ERBB4: variants seen among roughly 807,000 people sequenced by gnomAD.
ERBB4 encodes erb-b2 receptor tyrosine kinase 4, also known as receptor tyrosine-protein kinase erbB-4.
In ERBB4, 42 loss-of-function variants were observed where a neutral mutation model predicts 158.0. That is an observed-to-expected ratio of 0.27 (90% CI 0.21 to 0.34). ERBB4 has a LOEUF of 0.34. Among genes scored for constraint, ERBB4 ranks in the 10% least tolerant of loss-of-function variants. The pLI, the probability that ERBB4 is intolerant of heterozygous loss-of-function variation, is 1.00. For synonymous variants in ERBB4, 583 were observed against 558.7 expected, an observed-to-expected ratio of 1.04 and a Z score of -0.61; for missense variants, 1,333 against 1,624.1, an observed-to-expected ratio of 0.82 and a Z score of 3.08.
intron 1 of ERBB4, among the ~76,000 whole-genome samples, chr2:212,319,034 G>C (rs558066610): frequency 7.9e-5 from 12 of 151,590 alleles, no homozygotes; most frequent in African/African-American, 2.9e-4. Context: ...TCCCAGCTAT[G>C]ACATCACTGA....
chr2:212,376,244 T>C (rs2090317461), intron 1 of ERBB4, among the ~76,000 whole-genome samples: 1 of 151,964 alleles, frequency 6.6e-6, no homozygotes. Context: ...AAATGAAACA[T>C]GTATTTTCCA....
chr2:212,188,234 C>CTCT (rs1443869832), intron 1 of ERBB4, among the ~76,000 whole-genome samples: 610 of 24,092 alleles, frequency 0.025, 193 homozygotes, highest in Non-Finnish European at 0.034. Context: ...CTCTCTCTCT[C>CTCT]CCCCCCCCTC....
chr2:211,721,332 C>T (rs1015385401), intron 7 of ERBB4, among the ~76,000 whole-genome samples: 1 of 148,518 alleles, frequency 6.7e-6, no homozygotes, highest in African/African-American at 2.5e-5. Context: ...AAGTAAGTCA[C>T]ATTATATGTA....
intron 25 of ERBB4, among the ~76,000 whole-genome samples, chr2:211,418,910 T>C (rs376866507): frequency 1.1e-4 from 17 of 152,252 alleles, no homozygotes; most frequent in African/African-American, 4.1e-4. Flanking sequence ...GGGCATGTGA[T>C]AAAGTTTTCA....
At position 211,389,352 on chromosome 2, in the gene ERBB4, C is replaced by A. The variant is rs77376913; in HGVS notation, c.3136-1360G>T. Among the ~76,000 whole-genome samples the A allele has an allele frequency of 6.0e-4, 92 of 152,184 alleles. No individual in the cohort carries two copies. In the East Asian group the frequency reaches 0.016, roughly 26 times the overall value. Reference sequence around the variant, plus strand: ...TTAAATGAAACAGATAAATATTATTCCAGGTCAATGTTCATATGATTTAGA... The same window carrying A: ...TTAAATGAAACAGATAAATATTATTACAGGTCAATGTTCATATGATTTAGA... On this transcript the variant is annotated intron_variant, in intron 25 of 27. Transcript: ENST00000342788.
At chr2:212,221,270 A>T (rs1263676697) in intron 1 of ERBB4, among the ~76,000 whole-genome samples, 1 of 151,588 alleles carries the variant, frequency 6.6e-6, no homozygotes, top group Non-Finnish European at 1.5e-5. Flanking sequence ...CAAGAGACTC[A>T]TGTAATTACT....
In ERBB4 at chr2:212,391,735, C is replaced by CAT. The variant is rs200250723; in HGVS notation, c.82+146712_82+146713dup. On this transcript the variant is annotated intron_variant, in intron 1 of 27. Transcript: ENST00000342788. ...ATTGACATATATATTATATATATGA[C>CAT]ATATATATTATATATAATATTGACA... Among the ~76,000 whole-genome samples the CAT allele has an allele frequency of 3.8e-5, 5 of 132,782 alleles. No individual in the cohort carries two copies. The South Asian group carries it at 1.1e-3, about 30-fold the overall frequency. 87.1% of individuals were successfully genotyped at this position (132,782 alleles called of 152,430 possible).
At chr2:211,415,309 C>T (rs1343936165) in intron 25 of ERBB4, among the ~76,000 whole-genome samples, 2 of 151,444 alleles carry the variant, frequency 1.3e-5, no homozygotes, top group African/African-American at 2.4e-5. Flanking sequence ...TTAGTAGAGG[C>T]GGGGTTTCAC....
rs149756317 is a variant in ERBB4 at position 211,734,227 on chromosome 2, T to C, written c.623-9033A>G. ...ATTTTATTGATGAGAAAATTAAAACTGAAATAAACTTACTTGTTTATGAGC... is the reference window on the plus strand; with the variant it reads ...ATTTTATTGATGAGAAAATTAAAACCGAAATAAACTTACTTGTTTATGAGC... On this transcript the variant is annotated intron_variant, in intron 5 of 27. Coordinates refer to ENST00000342788, the MANE Select transcript of ERBB4 (RefSeq NM_005235.3). 3.7e-4 allele frequency among the ~76,000 whole-genome samples: 57 copies of C among 152,260 alleles called. 1 individual carries two copies. In the East Asian group the frequency reaches 9.9e-3, roughly 26 times the overall value.
intron 3 of ERBB4, among the ~76,000 whole-genome samples, chr2:211,910,537 A>T (rs1168986306): frequency 6.6e-6 from 1 of 151,708 alleles, no homozygotes; most frequent in Non-Finnish European, 1.5e-5. Context: ...GAACACATAG[A>T]CACATAGAGA....
At chr2:211,387,195 A>ATAGTT (rs749533333) in intron 26 of ERBB4, 45 bp from the exon 27 acceptor site, 23 of 1,425,154 alleles carry the variant, frequency 1.6e-5, no homozygotes, top group Non-Finnish European at 2.2e-5. Flanking sequence ...GTTGTTAGAA[A>ATAGTT]TAGTTTAAAA....
intron 1 of ERBB4, among the ~76,000 whole-genome samples, chr2:212,363,392 T>A (rs1041172960): frequency 1.3e-5 from 2 of 151,514 alleles, no homozygotes; most frequent in Admixed American, 6.6e-5. Context: ...GAATCATAGC[T>A]ACAGATAATA....
At chr2:212,373,573 G>A (rs2090157353) in intron 1 of ERBB4, among the ~76,000 whole-genome samples, 1 of 151,472 alleles carries the variant, frequency 6.6e-6, no homozygotes, top group Non-Finnish European at 1.5e-5. Flanking sequence ...TAAGAATAAT[G>A]TAGCAGTTTA....
At chr2:212,103,459 T>C (rs137930559) in intron 2 of ERBB4, among the ~76,000 whole-genome samples, 1 of 152,252 alleles carries the variant, frequency 6.6e-6, no homozygotes, top group Admixed American at 6.5e-5. Flanking sequence ...AAAAATGCAA[T>C]TGATATAAAA....
rs896262978 is a variant in ERBB4 at position 212,470,076 on chromosome 2, A to AT, written c.82+68372dup. Among the ~76,000 whole-genome samples the AT allele has an allele frequency of 3.9e-5, 6 of 152,002 alleles. No homozygotes were observed. The East Asian group carries it at 7.7e-4, about 20-fold the overall frequency. ...TCAATATCACATAAGTTCACAATATATTTTTTTTAAATGTCCGGTTTGTCT... is the reference window on the plus strand; with the variant it reads ...TCAATATCACATAAGTTCACAATATATTTTTTTTTAAATGTCCGGTTTGTCT... On this transcript the variant is annotated intron_variant, in intron 1 of 27. Coordinates refer to ENST00000342788, the MANE Select transcript of ERBB4 (RefSeq NM_005235.3).
At chr2:212,067,081 T>C (rs911693734) in intron 2 of ERBB4, among the ~76,000 whole-genome samples, 1 of 152,064 alleles carries the variant, frequency 6.6e-6, no homozygotes, top group Non-Finnish European at 1.5e-5. Flanking sequence ...TCATTAAAGC[T>C]ATCTATAGTT....
At chr2:212,511,629 A>C (rs542209522) in intron 1 of ERBB4, among the ~76,000 whole-genome samples, 2 of 152,112 alleles carry the variant, frequency 1.3e-5, no homozygotes, top group South Asian at 4.2e-4. Context: ...AAACGTATTT[A>C]TTTCTTTCTA....
chr2:212,476,950 A>G (rs1403414381), intron 1 of ERBB4, among the ~76,000 whole-genome samples: 8 of 152,126 alleles, frequency 5.3e-5, no homozygotes, highest in Non-Finnish European at 1.2e-4. Flanking sequence ...TGTTCTTTTC[A>G]TAATGGCCTT....
intron 1 of ERBB4, among the ~76,000 whole-genome samples, chr2:212,468,215 G>A (rs533092758): frequency 5.5e-4 from 83 of 152,284 alleles, no homozygotes; most frequent in African/African-American, 1.7e-3. Context: ...GCTGAAACGA[G>A]TTAAGGCTTT....
Sources: gnomAD v4.1 joint callset for allele counts (sites outside exome capture counted in the v4.1 genomes callset) on GRCh38, gnomAD v4.1.1 for gene constraint, MANE v1.5 for transcripts, NCBI Gene and HGNC (gene_info 2026-07-23, HGNC 2026-07-21) for gene names.